TTLL5: variants seen among roughly 807,000 people sequenced by gnomAD.
TTLL5 encodes the protein tubulin polyglutamylase TTLL5.
In TTLL5, 132 loss-of-function variants were observed where a neutral mutation model predicts 168.4. The ratio of observed to expected loss-of-function variants is 0.78; its 90% CI spans 0.68 to 0.91. The LOEUF is 0.91. TTLL5 is among the 40% of genes least tolerant of loss of function. The pLI, the probability that TTLL5 is intolerant of heterozygous loss-of-function variation, is 0.00. For missense variants in TTLL5, 1,545 were observed against 1,581.5 expected, an observed-to-expected ratio of 0.98 and a Z score of 0.39; for synonymous variants, 546 against 558.6, an observed-to-expected ratio of 0.98 and a Z score of 0.32.
chr14:75,907,927 A>T (rs1454710821), intron 31 of TTLL5, among the ~76,000 whole-genome samples: 1 of 152,364 alleles, frequency 6.6e-6, no homozygotes, highest in East Asian at 1.9e-4. Context: ...ACTCATGTCC[A>T]TCTGCTTCTA....
intron 28 of TTLL5, among the ~76,000 whole-genome samples, chr14:75,862,047 T>C (rs1307435272): frequency 6.6e-6 from 1 of 152,360 alleles, no homozygotes; most frequent in South Asian, 2.1e-4. Flanking sequence ...ATCACCATTC[T>C]ACTTTCTGTC....
In TTLL5 at chr14:75,752,873, T is replaced by G; in HGVS notation, c.1488-20T>G. The G allele has an allele frequency of 6.2e-7, 1 of 1,610,296 alleles. No homozygotes were observed. The highest frequency in any genetic ancestry group is 8.5e-7 in the Non-Finnish European group (1 of 1,177,396). ...TTGAACTAGCTTAAGAAATAACCAG[T>G]TTCTTTCTTTGCTTTTCAGGTCCTA... On this transcript the variant is annotated intron_variant, in intron 17 of 31. Coordinates refer to ENST00000298832, the MANE Select transcript of TTLL5 (RefSeq NM_015072.5).
intron 27 of TTLL5, among the ~76,000 whole-genome samples, chr14:75,794,726 A>C (rs1323097740): frequency 6.6e-6 from 1 of 152,202 alleles, no homozygotes; most frequent in Non-Finnish European, 1.5e-5. Context: ...TCTTGGTAAT[A>C]GGGTGGTCAG....
chr14:75,717,955 T>C lies in TTLL5; in HGVS notation c.835T>C (p.Tyr279His), dbSNP rs1566826182. ...NYSVNKKSGD[Y>H]VSCDDPEVED... ...CAGTGTCAACAAGAAAAGTGGAGAT[T>C]ACGTCAGGTACTGGCTGTGTCTGAG... Residue 279 changes from tyrosine to histidine, a missense_variant, in exon 10 of 32, where the codon TAC becomes CAC. Transcript: ENST00000298832. 6.2e-7 allele frequency: 1 copy of C among 1,613,326 alleles called. No individual in the cohort carries two copies. Among genetic ancestry groups the C allele is most frequent in the East Asian group, 2.2e-5 (1 of 44,790 alleles).
chr14:75,954,818 T>C lies in TTLL5; in HGVS notation c.*372T>C, dbSNP rs147633080. On this transcript the variant is annotated 3_prime_UTR_variant, in exon 32 of 32. Coordinates refer to ENST00000298832, the MANE Select transcript of TTLL5 (RefSeq NM_015072.5). ...CAGAGATGATATAAAAGAGGCTCTTTGGCTATTTGCATTTTGCTTCCTCTT... is the reference window on the plus strand; with the variant it reads ...CAGAGATGATATAAAAGAGGCTCTTCGGCTATTTGCATTTTGCTTCCTCTT... 4.5e-4 allele frequency: 98 copies of C among 216,356 alleles called. No homozygotes were observed. In the Middle Eastern group the frequency reaches 6.1e-3, roughly 13 times the overall value. The allele number at this position is 216,356 out of a possible 1,614,324, so 13.4% of individuals were successfully genotyped here.
chr14:75,948,143 G>A (rs1293460395), intron 31 of TTLL5, among the ~76,000 whole-genome samples: 1 of 144,114 alleles, frequency 6.9e-6, no homozygotes, highest in African/African-American at 2.6e-5. Context: ...AAAAGATACT[G>A]GAAAAGTCCT....
intron 15 of TTLL5, among the ~76,000 whole-genome samples, chr14:75,739,211 A>G (rs1342605965): frequency 6.6e-6 from 1 of 151,892 alleles, no homozygotes; most frequent in Admixed American, 6.6e-5. Flanking sequence ...CTTGTTGGAG[A>G]GCAAGACCTC....
At position 75,775,559 on chromosome 14, in the gene TTLL5, C is replaced by A. The variant is rs377702881; in HGVS notation, c.2212C>A (p.Arg738=). ...ACTGAGGATGGTATTACCCAGTCGACGATTGGCACTTCTGGAACGCAGAAG... is the reference window on the plus strand; with the variant it reads ...ACTGAGGATGGTATTACCCAGTCGAAGATTGGCACTTCTGGAACGCAGAAG... The part of the protein sequence containing the change: ...HSLRMVLPSR[R]LALLERRRIL... Residue 738 remains arginine, a synonymous_variant, in exon 22 of 32, where the codon CGA becomes AGA. Coordinates refer to ENST00000298832, the MANE Select transcript of TTLL5 (RefSeq NM_015072.5). 1 of 1,614,078 alleles carries A rather than the reference C, an allele frequency of 6.2e-7. No individual in the cohort carries two copies. Among genetic ancestry groups the A allele is most frequent in the Admixed American group, 1.7e-5 (1 of 60,012 alleles).
chr14:75,923,897 G>A (rs2033913359), intron 31 of TTLL5, among the ~76,000 whole-genome samples: 1 of 152,154 alleles, frequency 6.6e-6, no homozygotes, highest in East Asian at 1.9e-4. Context: ...CTCCTATATT[G>A]GGTGCATATA....
At chr14:75,702,601 G>A (rs1445665953) in intron 7 of TTLL5, among the ~76,000 whole-genome samples, 1 of 152,122 alleles carries the variant, frequency 6.6e-6, no homozygotes, top group African/African-American at 2.4e-5. Context: ...AACTTTCCTT[G>A]GTGGAGCCGA....
intron 31 of TTLL5, among the ~76,000 whole-genome samples, chr14:75,936,063 A>C (rs2034425333): frequency 6.6e-6 from 1 of 152,066 alleles, no homozygotes; most frequent in Non-Finnish European, 1.5e-5. Context: ...CCTTTTTGTC[A>C]TTAGAGTTTG....
At chr14:75,817,709 T>C (rs1408881942) in intron 27 of TTLL5, among the ~76,000 whole-genome samples, 1 of 152,134 alleles carries the variant, frequency 6.6e-6, no homozygotes, top group African/African-American at 2.4e-5. Flanking sequence ...TTCACTACTG[T>C]TCTCTAGTGT....
At chr14:75,886,188 T>C (rs2032110240) in intron 30 of TTLL5, among the ~76,000 whole-genome samples, 5 of 152,196 alleles carry the variant, frequency 3.3e-5, no homozygotes, top group Admixed American at 3.3e-4. Flanking sequence ...TAGACAAATA[T>C]AGAAGCAATT....
At chr14:75,914,836 G>A (rs888959386) in intron 31 of TTLL5, among the ~76,000 whole-genome samples, 1 of 152,068 alleles carries the variant, frequency 6.6e-6, no homozygotes, top group African/African-American at 2.4e-5. Flanking sequence ...TGTTAGCCAG[G>A]ATGGTCTCGA....
intron 28 of TTLL5, among the ~76,000 whole-genome samples, chr14:75,854,498 T>TA (rs1279941061): frequency 5.3e-5 from 8 of 152,206 alleles, no homozygotes; most frequent in African/African-American, 1.9e-4. Flanking sequence ...AACTTTTTTT[T>TA]AGCCACATTT....
At chr14:75,754,802 T>A (rs1890145083) in intron 18 of TTLL5, among the ~76,000 whole-genome samples, 1 of 152,174 alleles carries the variant, frequency 6.6e-6, no homozygotes, top group African/African-American at 2.4e-5. Context: ...TGAAGTCACA[T>A]TAATCCACTA....
intron 30 of TTLL5, chr14:75,886,834 G>C: frequency 6.5e-7 from 1 of 1,548,400 alleles, no homozygotes; most frequent in East Asian, 2.3e-5. Flanking sequence ...TTCAGAGCCA[G>C]AATCATACTC....
intron 27 of TTLL5, among the ~76,000 whole-genome samples, chr14:75,804,825 C>T (rs1218978950): frequency 6.6e-6 from 1 of 152,146 alleles, no homozygotes; most frequent in Admixed American, 6.5e-5. Context: ...CTTCTCTTGG[C>T]TACTTGTGCC....
At chr14:75,751,174 T>C (rs1889922522) in intron 17 of TTLL5, among the ~76,000 whole-genome samples, 1 of 152,206 alleles carries the variant, frequency 6.6e-6, no homozygotes, top group Admixed American at 6.5e-5. Flanking sequence ...ACCTGAGCAC[T>C]TATCATGCAC....
Sources: gnomAD v4.1 joint callset for allele counts (sites outside exome capture counted in the v4.1 genomes callset) on GRCh38, gnomAD v4.1.1 for gene constraint, MANE v1.5 for transcripts, NCBI Gene and HGNC (gene_info 2026-07-23, HGNC 2026-07-21) for gene names.